Variants in ANO4 observed in about 807,000 individuals in gnomAD.
ANO4 encodes anoctamin 4, also known as anoctamin-4.
ANO4 carries 69 observed loss-of-function variants against 141.9 expected under a neutral mutation model. The ratio of observed to expected loss-of-function variants is 0.49; its 90% confidence interval spans 0.40 to 0.59. The LOEUF (loss-of-function observed/expected upper bound fraction) is 0.59. ANO4 is among the 20% of genes least tolerant of loss of function. ANO4 has a pLI of 0.00. For missense variants in ANO4, 894 were observed against 1,162.2 expected (o/e 0.77, Z 3.36); for synonymous variants, 350 against 394.3 (o/e 0.89, Z 1.33).
At chr12:100,922,101 A>T (rs2041660093) in intron 2 of ANO4, 125 bp from the exon 3 acceptor site, 1 of 557,922 alleles carries the variant, frequency 1.8e-6, no homozygotes, top group African/African-American at 1.9e-5. Context: ...TTGTCTAAGA[A>T]GGAGGATCAT....
At chr12:100,792,985 C>G (rs2034106078), upstream of ANO4, among the ~76,000 whole-genome samples, 1 of 152,202 alleles carries the variant, frequency 6.6e-6, no homozygotes, top group Admixed American at 6.5e-5. Flanking sequence ...AAACATCTAA[C>G]TAGGCTAATT....
At chr12:100,927,635 G>A (rs917199503) in intron 3 of ANO4, among the ~76,000 whole-genome samples, 3 of 152,096 alleles carry the variant, frequency 2.0e-5, no homozygotes, top group Non-Finnish European at 2.9e-5. Context: ...GCTGGCTACT[G>A]TGAAGCATGT....
chr12:100,894,563 G>A (rs2136001959), intron 1 of ANO4, among the ~76,000 whole-genome samples: 1 of 152,154 alleles, frequency 6.6e-6, no homozygotes, highest in East Asian at 1.9e-4. Context: ...ACATACCTAA[G>A]CTAATGACAC....
chr12:101,074,913 G>A (rs900950089), intron 14 of ANO4, among the ~76,000 whole-genome samples: 35 of 150,208 alleles, frequency 2.3e-4, no homozygotes, highest in Non-Finnish European at 4.6e-4. Context: ...GCCAGTTGCT[G>A]TGCTAGACTC....
intron 1 of ANO4, among the ~76,000 whole-genome samples, chr12:100,854,980 A>AT (rs1378569946): frequency 6.6e-6 from 1 of 151,176 alleles, no homozygotes; most frequent in Non-Finnish European, 1.5e-5. Context: ...CTTTCACCTC[A>AT]TGTGGTCCCA....
chr12:100,880,028 A>G (rs1480650026), intron 1 of ANO4, among the ~76,000 whole-genome samples: 1 of 152,198 alleles, frequency 6.6e-6, no homozygotes, highest in African/African-American at 2.4e-5. Context: ...AACACACTCC[A>G]GTTAGAGAAG....
intron 4 of ANO4, 43 bp downstream of exon 4, chr12:100,939,494 G>A: frequency 6.2e-7 from 1 of 1,601,108 alleles, no homozygotes; most frequent in African/African-American, 1.3e-5. Context: ...CGTGATCCAG[G>A]CAGGAACCTG....
intron 5 of ANO4, among the ~76,000 whole-genome samples, chr12:100,960,670 G>A (rs1210675433): frequency 6.6e-6 from 1 of 151,998 alleles, no homozygotes; most frequent in Non-Finnish European, 1.5e-5. Flanking sequence ...CTCACTAGCA[G>A]AAGACACCAA....
chr12:100,760,406 T>G (rs927932977), intron 3 of ANO4, among the ~76,000 whole-genome samples: 1 of 152,152 alleles, frequency 6.6e-6, no homozygotes, highest in African/African-American at 2.4e-5. Context: ...CTCCATCATG[T>G]GTTTCTCCTC....
chr12:100,979,895 CTTT>C (rs71091474), intron 7 of ANO4, among the ~76,000 whole-genome samples: 10 of 119,418 alleles, frequency 8.4e-5, no homozygotes, highest in Non-Finnish European at 1.5e-4. Flanking sequence ...GCCCAGCTGA[CTTT>C]TTTTTTTTTT....
chr12:101,030,550 AAC>A (rs1472797669), intron 9 of ANO4, among the ~76,000 whole-genome samples: 2 of 152,196 alleles, frequency 1.3e-5, no homozygotes, highest in African/African-American at 2.4e-5. Flanking sequence ...TTGATACACT[AAC>A]ATCACAATTA....
At chr12:100,992,223 T>C (rs1203473651) in intron 8 of ANO4, among the ~76,000 whole-genome samples, 1 of 152,222 alleles carries the variant, frequency 6.6e-6, no homozygotes, top group African/African-American at 2.4e-5. Context: ...TCATGTCACT[T>C]CATTCTCTTT....
chr12:101,012,538 G>A (rs2046139408), intron 8 of ANO4, among the ~76,000 whole-genome samples: 1 of 152,148 alleles, frequency 6.6e-6, no homozygotes, highest in South Asian at 2.1e-4. Context: ...GGGTTTGTTT[G>A]TTCAGGGTCA....
intron 7 of ANO4, among the ~76,000 whole-genome samples, chr12:100,982,577 A>G (rs934517757): frequency 1.3e-5 from 2 of 152,230 alleles, no homozygotes; most frequent in African/African-American, 4.8e-5. Flanking sequence ...CGTCCTAGAA[A>G]CTATCACTCA....
chr12:100,943,677 C>T (rs1003730000), intron 5 of ANO4, among the ~76,000 whole-genome samples: 1 of 152,086 alleles, frequency 6.6e-6, no homozygotes, highest in African/African-American at 2.4e-5. Context: ...TTCTCAAAGA[C>T]CATCTTAATT....
chr12:101,062,796 G>A (rs984606532), intron 14 of ANO4, among the ~76,000 whole-genome samples: 6 of 152,232 alleles, frequency 3.9e-5, no homozygotes, highest in Admixed American at 3.9e-4. Context: ...AGAATTTCAA[G>A]CCTGTGGCTC....
intron 9 of ANO4, among the ~76,000 whole-genome samples, chr12:101,024,068 A>G (rs1472385490): frequency 6.6e-6 from 1 of 152,216 alleles, no homozygotes; most frequent in Non-Finnish European, 1.5e-5. Flanking sequence ...CTTCACTCTG[A>G]ATTTATTTCA....
chr12:100,886,110 C>T (rs1052052729), intron 1 of ANO4, among the ~76,000 whole-genome samples: 1 of 152,246 alleles, frequency 6.6e-6, no homozygotes, highest in Admixed American at 6.5e-5. Flanking sequence ...CTATTTGTGT[C>T]CCCACTTCCA....
At chr12:100,964,575 G>C (rs2136245167) in intron 5 of ANO4, among the ~76,000 whole-genome samples, 1 of 152,212 alleles carries the variant, frequency 6.6e-6, no homozygotes, top group African/African-American at 2.4e-5. Flanking sequence ...GTATAGTTAT[G>C]AGAAAGTGAT....
Sources: gnomAD v4.1 joint callset for allele counts (sites outside exome capture counted in the v4.1 genomes callset) on GRCh38, gnomAD v4.1.1 for gene constraint, MANE v1.5 for transcripts, NCBI Gene and HGNC (gene_info 2026-07-23, HGNC 2026-07-21) for gene names.